Variants in FAM111B observed in about 807,000 individuals in gnomAD.
FAM111B encodes FAM111 trypsin like peptidase B.
FAM111B carries 1 observed loss-of-function variant against 2.8 expected under a neutral mutation model. The observed-to-expected ratio is 0.36, with a 90% CI of 0.13 to 1.70. The LOEUF is 1.70. Among genes scored for constraint, FAM111B ranks in the 40% most tolerant of loss-of-function variants. The probability of loss-of-function intolerance (pLI) is 0.35; values close to 1 mark genes in which losing one functional copy is unlikely to be tolerated. For synonymous variants in FAM111B, 297 were observed against 295.6 expected (o/e 1.00, Z -0.05); for missense variants, 882 against 878.9 (o/e 1.00, Z -0.04).
intron 3 of FAM111B, among the ~76,000 whole-genome samples, chr11:59,111,441 A>C (rs1859757256): frequency 6.6e-6 from 1 of 152,110 alleles, no homozygotes; most frequent in Non-Finnish European, 1.5e-5. Flanking sequence ...GTGTTTACAG[A>C]CTTTATCTTT....
intron 3 of FAM111B, among the ~76,000 whole-genome samples, chr11:59,122,297 A>G (rs752434169): frequency 2.0e-5 from 3 of 152,228 alleles, no homozygotes; most frequent in African/African-American, 4.8e-5. Context: ...AAATAAGTGT[A>G]AGACAATGAT....
intron 2 of FAM111B, among the ~76,000 whole-genome samples, chr11:59,109,120 T>A (rs1859714200): frequency 6.6e-6 from 1 of 152,226 alleles, no homozygotes; most frequent in Non-Finnish European, 1.5e-5. Context: ...CACAGTCCTG[T>A]ATGAGCCTCA....
Position 59,124,369 on chromosome 11 carries a change from A to G in FAM111B, c.272A>G (p.Lys91Arg). The change falls in exon 4 of 4, where the codon AAA becomes AGA. Residue 91 changes from lysine (K) to arginine (R), a missense_variant. By Grantham distance (26) the Lys-to-Arg change is conservative. Transcript: ENST00000343597. ...FTFTLNGNSRKLDRSVFTAYG... is the reference protein window; with the variant it reads ...FTFTLNGNSRRLDRSVFTAYG... ...TTTACGTTGAATGGAAACTCCAGAA[A>G]ATTAGACCGTAGTGTGTTTACAGCA... The G allele has an allele frequency of 1.2e-6, 2 of 1,613,844 alleles. No individual in the cohort carries two copies. Among genetic ancestry groups the G allele is most frequent in the Non-Finnish European group, 1.7e-6 (2 of 1,179,838 alleles).
At position 59,126,129 on chromosome 11, in the gene FAM111B, C is replaced by T; in HGVS notation, c.2032C>T (p.His678Tyr). The change falls in exon 4 of 4, where the codon CAT becomes TAT. Residue 678 changes from histidine to tyrosine, a missense_variant. Transcript: ENST00000343597. ...TTTTTATCAACGAGGATTTAATGTG[C>T]ATGCCCTTATTGAATTTGGTTATTC... ...GLFYQRGFNV[H>Y]ALIEFGYSMD... 1 of 1,613,072 alleles carries T rather than the reference C, an allele frequency of 6.2e-7. No homozygotes were observed. The highest frequency in any genetic ancestry group is 8.5e-7 in the Non-Finnish European group (1 of 1,179,610).
chr11:59,122,660 G>A (rs531088008), intron 3 of FAM111B, among the ~76,000 whole-genome samples: 117 of 152,218 alleles, frequency 7.7e-4, no homozygotes, highest in African/African-American at 2.8e-3. Context: ...TTTTAAAGGG[G>A]CTAAGAGTGA....
chr11:59,113,383 G>A (rs915466755), intron 3 of FAM111B, among the ~76,000 whole-genome samples: 11 of 152,166 alleles, frequency 7.2e-5, no homozygotes, highest in African/African-American at 2.2e-4. Context: ...CAGGGAGTGG[G>A]TGATTGAAGG....
intron 2 of FAM111B, among the ~76,000 whole-genome samples, chr11:59,108,971 C>G (rs1047633384): frequency 3.3e-5 from 5 of 152,092 alleles, no homozygotes; most frequent in Non-Finnish European, 5.9e-5. Context: ...ACTTTCGAAG[C>G]TTGCTTTTAT....
At position 59,121,174 on chromosome 11, in the gene FAM111B, T is replaced by C. The variant is rs570528010; in HGVS notation, c.82-3005T>C. Among the ~76,000 whole-genome samples the C allele has an allele frequency of 3.3e-5, 5 of 151,504 alleles. No homozygotes were observed. The East Asian group carries it at 5.8e-4, about 18-fold the overall frequency. ...TTAACTCCTTTATGACACCTGAGAA[T>C]GAAAAATCAAGAAGAAATTCAGAAT... is the stretch of plus-strand genomic sequence containing the variant. On this transcript the variant is annotated intron_variant, in intron 3 of 3. Transcript: ENST00000343597.
intron 3 of FAM111B, among the ~76,000 whole-genome samples, chr11:59,122,407 G>A (rs188397323): frequency 7.2e-5 from 11 of 152,300 alleles, no homozygotes; most frequent in African/African-American, 2.4e-4. Context: ...GATTTGTAGT[G>A]TGCTATTTCT....
intron 3 of FAM111B, among the ~76,000 whole-genome samples, chr11:59,123,395 G>A (rs1345544566): frequency 6.6e-6 from 1 of 152,174 alleles, no homozygotes; most frequent in Non-Finnish European, 1.5e-5. Context: ...TCCTTGAGCA[G>A]CTGGAGAGAA....
At chr11:59,122,443 T>G (rs1859938202) in intron 3 of FAM111B, among the ~76,000 whole-genome samples, 1 of 152,204 alleles carries the variant, frequency 6.6e-6, no homozygotes, top group African/African-American at 2.4e-5. Flanking sequence ...TACATGGATG[T>G]TTAGTATATG....
rs754403024 is a variant in FAM111B, at chr11:59,124,177, A to C, written c.82-2A>C. Reference sequence around the variant, plus strand: ...TAACCTCTTTAATCTTTCCTTTTTAAGGATACTGTCATGAAGCAGACACAT... The same window carrying C: ...TAACCTCTTTAATCTTTCCTTTTTACGGATACTGTCATGAAGCAGACACAT... On this transcript the variant is annotated splice_acceptor_variant, in intron 3 of 3. Coordinates refer to ENST00000343597, the MANE Select transcript of FAM111B (RefSeq NM_198947.4). LOFTEE classifies it high-confidence loss of function. 1.0e-5 allele frequency: 16 copies of C among 1,582,514 alleles called. No homozygotes were observed. The East Asian group carries it at 3.6e-4, about 36-fold the overall frequency.
In FAM111B at chr11:59,126,018, T is replaced by A; in HGVS notation, c.1921T>A (p.Tyr641Asn). The change falls in exon 4 of 4, where the codon TAT (tyrosine) becomes AAT (asparagine). Residue 641 changes from tyrosine to asparagine, a missense_variant. By Grantham distance (143) the Tyr-to-Asn change is moderately radical. Coordinates refer to ENST00000343597, the MANE Select transcript of FAM111B (RefSeq NM_198947.4). ...SEVWNTHTLS[Y>N]DTCFSDGSSG... ...GGTTTGGAACACACACACGCTTAGT[T>A]ATGATACTTGTTTCTCTGATGGGTC... 6.2e-7 allele frequency: 1 copy of A among 1,613,992 alleles called. No individual in the cohort carries two copies. Among genetic ancestry groups the A allele is most frequent in the South Asian group, 1.1e-5 (1 of 91,072 alleles).
Position 59,110,897 on chromosome 11 carries a change from C to T in FAM111B, c.81+1191C>T, listed in dbSNP as rs549225933. On this transcript the variant is annotated intron_variant, in intron 3 of 3. Transcript: ENST00000343597. The stretch of plus-strand genomic sequence containing the variant: ...TGGTAAGGTAGTATGGTGCCAAGAT[C>T]ACAGTAGGCTTTATATCAATAAGAG... Among the ~76,000 whole-genome samples, 30 of 152,288 alleles carry T rather than the reference C, an allele frequency of 2.0e-4. No individual in the cohort carries two copies. In the South Asian group the frequency reaches 6.2e-3, roughly 32 times the overall value.
chr11:59,116,043 G>A (rs1859836623), intron 3 of FAM111B, among the ~76,000 whole-genome samples: 1 of 152,096 alleles, frequency 6.6e-6, no homozygotes, highest in Admixed American at 6.5e-5. Context: ...TCTTGACAGG[G>A]GTTGGGCATA....
rs1590896261 is a variant in FAM111B, at chr11:59,126,819, G to A, written c.*517G>A. Reference sequence around the variant, plus strand: ...GAAAATAAATTAGTTCAGCCATTGTGGAAAGCAGTTGGGTGATTTCTAAAA... The same window carrying A: ...GAAAATAAATTAGTTCAGCCATTGTAGAAAGCAGTTGGGTGATTTCTAAAA... On this transcript the variant is annotated 3_prime_UTR_variant, in exon 4 of 4. Transcript: ENST00000343597. 3 of 159,798 alleles carry A rather than the reference G, an allele frequency of 1.9e-5. No homozygotes were observed. The highest frequency in any genetic ancestry group is 4.8e-5 in the African/African-American group (2 of 41,542). The allele number at this position is 159,798 out of a possible 1,614,324, so 9.9% of individuals were successfully genotyped here. A position where few individuals can be genotyped will look rare whatever the true frequency, so the allele number is the denominator to read the frequency against.
rs761124995 is a variant in FAM111B, at chr11:59,125,182, C to G, written c.1085C>G (p.Ser362Ter). ...CCCCGAAAATATAGGCAAATAAACT[C>G]ACAAGTTAGACGGAGGCCGCATCTG... is the stretch of plus-strand genomic sequence containing the variant. ...SLPRKYRQINSQVRRRPHLGR... is the reference protein window; with the variant it reads ...SLPRKYRQIN The change falls in exon 4 of 4, where the codon TCA becomes TGA. Residue 362 changes from serine to a stop codon, truncating the protein, a stop_gained. Coordinates refer to ENST00000343597, the MANE Select transcript of FAM111B (RefSeq NM_198947.4). LOFTEE classifies it low-confidence loss of function (END_TRUNC). 9 of 1,613,832 alleles carry G rather than the reference C, an allele frequency of 5.6e-6. No homozygotes were observed. In the Admixed American group the frequency reaches 8.3e-5, roughly 15 times the overall value.
rs1265826257 is a variant in FAM111B at position 59,124,045 on chromosome 11, T to C, written c.82-134T>C. ...TCTAAATTGATAGAATAGTGATTGA[T>C]TTTTTCTCCATTATTCGTTAACCAT... On this transcript the variant is annotated intron_variant, in intron 3 of 3. Transcript: ENST00000343597. The C allele has an allele frequency of 9.2e-6, 5 of 545,802 alleles. No homozygotes were observed. In the South Asian group the frequency reaches 1.4e-4, roughly 15 times the overall value. The allele number at this position is 545,802 out of a possible 1,614,324, so 33.8% of individuals were successfully genotyped here. A position where few individuals can be genotyped will look rare whatever the true frequency, so the allele number is the denominator to read the frequency against.
At chr11:59,111,760 T>C (rs1859761717) in intron 3 of FAM111B, among the ~76,000 whole-genome samples, 1 of 152,072 alleles carries the variant, frequency 6.6e-6, no homozygotes, top group South Asian at 2.1e-4. Flanking sequence ...CATCCAATTA[T>C]AGAACAGAAC....
Sources: allele counts gnomAD v4.1 joint callset (sites outside exome capture counted in the v4.1 genomes callset), GRCh38; gene constraint gnomAD v4.1.1; transcripts MANE v1.5; gene names NCBI Gene and HGNC (gene_info 2026-07-23, HGNC 2026-07-21).